POLN: variants seen among roughly 807,000 people sequenced by gnomAD.
POLN encodes DNA polymerase nu.
Under a neutral mutation model 113.5 loss-of-function variants are expected in POLN, and 108 were observed. The ratio of observed to expected loss-of-function variants is 0.95; its 90% CI spans 0.81 to 1.12. The LOEUF is 1.12. Ranked by LOEUF, POLN falls within the 50% of genes most tolerant of loss-of-function variation. POLN has a pLI of 0.00. For missense variants in POLN, 1,097 were observed against 1,077.1 expected, an observed-to-expected ratio of 1.02 and a Z score of -0.26; for synonymous variants, 386 against 391.5, an observed-to-expected ratio of 0.99 and a Z score of 0.17.
chr4:2,198,323 G>A (rs557586345), intron 6 of POLN, among the ~76,000 whole-genome samples: 1 of 152,062 alleles, frequency 6.6e-6, no homozygotes, highest in South Asian at 2.1e-4. Context: ...ACAGAAGAAC[G>A]GAACTCCATT....
chr4:2,193,482 A>G (rs1343213145), intron 6 of POLN, among the ~76,000 whole-genome samples, 166 bp from the exon 7 acceptor site: 1 of 152,176 alleles, frequency 6.6e-6, no homozygotes, highest in African/African-American at 2.4e-5. Context: ...CGTTTTACAG[A>G]TGATGAAAGT....
intron 19 of POLN, among the ~76,000 whole-genome samples, chr4:2,100,467 G>T (rs1730896329): frequency 6.6e-6 from 1 of 152,126 alleles, no homozygotes; most frequent in Admixed American, 6.5e-5. Flanking sequence ...TTAAGGAAGG[G>T]GGCATTAAAA....
intron 2 of POLN, among the ~76,000 whole-genome samples, chr4:2,237,474 G>C (rs947067207): frequency 6.6e-6 from 1 of 151,022 alleles, no homozygotes; most frequent in African/African-American, 2.4e-5. Context: ...GGAAAGAAGA[G>C]AGAAAGAGAG....
intron 16 of POLN, among the ~76,000 whole-genome samples, chr4:2,152,878 G>C (rs1215755584): frequency 1.3e-5 from 2 of 152,206 alleles, no homozygotes; most frequent in Non-Finnish European, 2.9e-5. Flanking sequence ...TCAGGGCAGA[G>C]ACAGGCTGAA....
chr4:2,203,525 A>C (rs563684499), intron 5 of POLN, among the ~76,000 whole-genome samples: 1 of 151,608 alleles, frequency 6.6e-6, no homozygotes, highest in Non-Finnish European at 1.5e-5. Context: ...GGTTGCAGAG[A>C]GCCAAGATTG....
chr4:2,191,842 T>C (rs778542079), intron 7 of POLN, among the ~76,000 whole-genome samples: 1 of 151,992 alleles, frequency 6.6e-6, no homozygotes, highest in Admixed American at 6.6e-5. Context: ...GAGCAAAAGA[T>C]TGGCTGGAGC....
At position 2,129,204 on chromosome 4, in the gene POLN, G is replaced by C; in HGVS notation, c.1842C>G (p.Ser614=). Residue 614 remains serine, a synonymous_variant, in exon 18 of 26, where the codon TCC becomes TCG. Transcript: ENST00000511885. ...TISPRAMFVS[S]KGHTFLAADF... is the part of the protein sequence containing the mutation. The stretch of plus-strand genomic sequence containing the variant: ...CTGCTGCTAGAAAGGTGTGGCCTTT[G>C]GATGAAACAAACATGGCCCTCGGGG... 1 of 1,599,628 alleles carries C rather than the reference G, an allele frequency of 6.3e-7. No homozygotes were observed. The highest frequency in any genetic ancestry group is 1.3e-5 in the African/African-American group (1 of 74,632).
At chr4:2,163,831 G>A (rs1278502271) in intron 13 of POLN, among the ~76,000 whole-genome samples, 2 of 152,208 alleles carry the variant, frequency 1.3e-5, no homozygotes, top group Non-Finnish European at 2.9e-5. Flanking sequence ...TTCCCAGCAT[G>A]GGACTTGTCT....
chr4:2,118,652 G>T (rs796398839), intron 19 of POLN, among the ~76,000 whole-genome samples: 1 of 152,150 alleles, frequency 6.6e-6, no homozygotes, highest in South Asian at 2.1e-4. Context: ...CTCACTGCCT[G>T]CCCTGGCCCT....
chr4:2,080,719 G>T (rs1260338591), intron 23 of POLN: 10 of 1,409,222 alleles, frequency 7.1e-6, no homozygotes, highest in Non-Finnish European at 8.3e-6. Flanking sequence ...GGGGTCTGGG[G>T]GAGACAGCAT....
chr4:2,238,199 A>G (rs1734835843), intron 2 of POLN, among the ~76,000 whole-genome samples: 1 of 152,112 alleles, frequency 6.6e-6, no homozygotes, highest in African/African-American at 2.4e-5. Flanking sequence ...CTGACTACAC[A>G]CAAAAATGAA....
At chr4:2,075,590 G>A in intron 23 of POLN, 71 bp from the exon 24 acceptor site, 6 of 1,547,156 alleles carry the variant, frequency 3.9e-6, no homozygotes, top group Non-Finnish European at 4.5e-6. Context: ...CTGGCAGGGA[G>A]GGAGGGAGTC....
At chr4:2,207,835 G>C (rs903176289) in intron 5 of POLN, 152 bp downstream of exon 5, 1 of 829,752 alleles carries the variant, frequency 1.2e-6, no homozygotes, top group African/African-American at 1.8e-5. Context: ...CTAAGAAACT[G>C]ATGGGAGCAT....
chr4:2,214,002 G>A (rs769048779), intron 3 of POLN, among the ~76,000 whole-genome samples: 2 of 152,200 alleles, frequency 1.3e-5, no homozygotes, highest in Admixed American at 6.5e-5. Flanking sequence ...TTGGGAGGCT[G>A]AGGTGGGTGG....
chr4:2,081,307 T>C, intron 22 of POLN: 1 of 952,196 alleles, frequency 1.1e-6, no homozygotes, highest in Non-Finnish European at 1.6e-6. Flanking sequence ...TGGAAGGGCC[T>C]AGGCCAAGTG....
chr4:2,074,668 G>A (rs554015458), intron 24 of POLN, among the ~76,000 whole-genome samples: 1 of 152,248 alleles, frequency 6.6e-6, no homozygotes, highest in South Asian at 2.1e-4. Flanking sequence ...GGAGGGCATG[G>A]CGACCACCAC....
At chr4:2,222,116 G>A (rs1734272586) in intron 3 of POLN, among the ~76,000 whole-genome samples, 1 of 151,980 alleles carries the variant, frequency 6.6e-6, no homozygotes, top group Admixed American at 6.6e-5. Context: ...CATTCACATG[G>A]GTTTCGCCAT....
At chr4:2,080,774 C>A in intron 23 of POLN, 184 bp downstream of exon 23, 1 of 1,462,734 alleles carries the variant, frequency 6.8e-7, no homozygotes, top group Non-Finnish European at 9.0e-7. Context: ...TGGTGGATGG[C>A]TGGTTGTTGT....
At chr4:2,207,194 G>A (rs1423460754) in intron 5 of POLN, among the ~76,000 whole-genome samples, 1 of 152,152 alleles carries the variant, frequency 6.6e-6, no homozygotes, top group Non-Finnish European at 1.5e-5. Context: ...TGGGAGCTAA[G>A]CTATGAGGAT....
Sources: allele counts gnomAD v4.1 joint callset (sites outside exome capture counted in the v4.1 genomes callset), GRCh38; gene constraint gnomAD v4.1.1; transcripts MANE v1.5; gene names NCBI Gene and HGNC (gene_info 2026-07-23, HGNC 2026-07-21).